The following COL25A1 variants were observed in gnomAD, a reference collection of about 807,000 sequenced individuals.
COL25A1 encodes the protein collagen type XXV alpha 1 chain, also known as collagen alpha-1(XXV) chain.
A neutral mutation model predicts 128.4 loss-of-function variants in COL25A1; 103 were observed. The ratio of observed to expected loss-of-function variants is 0.80; its 90% CI spans 0.68 to 0.94. The LOEUF is 0.94. COL25A1 is among the 40% of genes least tolerant of loss of function. The probability of loss-of-function intolerance (pLI) is 0.00; values close to 1 mark genes in which losing one functional copy is unlikely to be tolerated. For missense variants in COL25A1, 745 were observed against 840.0 expected (o/e 0.89, Z 1.40); for synonymous variants, 279 against 277.2 (o/e 1.01, Z -0.06).
chr4:108,933,728 T>C (rs1222246196), intron 11 of COL25A1, among the ~76,000 whole-genome samples: 1 of 152,036 alleles, frequency 6.6e-6, no homozygotes, highest in Non-Finnish European at 1.5e-5. Flanking sequence ...GTGAGACAGG[T>C]AGAACAGGAA....
At chr4:108,994,180 C>T (rs571489778) in intron 6 of COL25A1, among the ~76,000 whole-genome samples, 12 of 152,308 alleles carry the variant, frequency 7.9e-5, no homozygotes, top group South Asian at 6.2e-4. Context: ...CTCAAGGGGT[C>T]GGGGGATTTC....
chr4:109,103,075 C>A (rs1443094308), intron 3 of COL25A1, among the ~76,000 whole-genome samples: 1 of 152,106 alleles, frequency 6.6e-6, no homozygotes, highest in Non-Finnish European at 1.5e-5. Context: ...AACACAGAAA[C>A]CTTTAATTAA....
chr4:108,874,681 A>C (rs1305944690), intron 19 of COL25A1, among the ~76,000 whole-genome samples: 1 of 152,190 alleles, frequency 6.6e-6, no homozygotes, highest in Non-Finnish European at 1.5e-5. Context: ...ATAAAGTAGG[A>C]CATTTTCTGA....
chr4:108,841,101 A>G (rs1734397025), intron 31 of COL25A1, among the ~76,000 whole-genome samples: 1 of 152,228 alleles, frequency 6.6e-6, no homozygotes, highest in African/African-American at 2.4e-5. Context: ...GACCATCTTC[A>G]TCATGCAAGC....
intron 15 of COL25A1, among the ~76,000 whole-genome samples, chr4:108,897,883 C>T (rs1742331271): frequency 6.6e-6 from 1 of 152,114 alleles, no homozygotes; most frequent in Admixed American, 6.5e-5. Context: ...TTTATGGTGA[C>T]AAATACACTG....
chr4:108,836,747 T>C (rs113967642), intron 31 of COL25A1, among the ~76,000 whole-genome samples: 13 of 152,250 alleles, frequency 8.5e-5, no homozygotes, highest in African/African-American at 3.1e-4. Flanking sequence ...TTATAGAGGT[T>C]TTATGCCTAT....
intron 3 of COL25A1, among the ~76,000 whole-genome samples, chr4:109,284,789 A>C (rs981089988): frequency 2.0e-5 from 3 of 151,948 alleles, no homozygotes; most frequent in Non-Finnish European, 4.4e-5. Flanking sequence ...GTAAGTATTT[A>C]ATAAAAATAT....
chr4:109,108,746 G>T (rs1027054935), intron 3 of COL25A1, among the ~76,000 whole-genome samples: 1 of 149,636 alleles, frequency 6.7e-6, no homozygotes, highest in African/African-American at 2.5e-5. Context: ...AATTAAAATG[G>T]TACTCATTAT....
At chr4:108,987,233 C>T (rs981635686) in intron 6 of COL25A1, among the ~76,000 whole-genome samples, 3 of 152,164 alleles carry the variant, frequency 2.0e-5, no homozygotes, top group Non-Finnish European at 4.4e-5. Flanking sequence ...CTCCTCCAGC[C>T]TGTCTTCAAT....
chr4:108,958,138 G>A (rs1483131592), intron 8 of COL25A1, among the ~76,000 whole-genome samples: 1 of 151,702 alleles, frequency 6.6e-6, no homozygotes, highest in East Asian at 1.9e-4. Context: ...TTATATCAAG[G>A]TGGACACAAA....
chr4:109,164,033 T>C (rs1275569942), intron 3 of COL25A1, among the ~76,000 whole-genome samples: 1 of 152,146 alleles, frequency 6.6e-6, no homozygotes, highest in Non-Finnish European at 1.5e-5. Context: ...CTGAAAATTA[T>C]GAATTACAAG....
At chr4:108,990,341 TA>T (rs1422097762) in intron 6 of COL25A1, among the ~76,000 whole-genome samples, 1 of 145,996 alleles carries the variant, frequency 6.8e-6, no homozygotes, top group African/African-American at 2.5e-5. Flanking sequence ...TCACAAAATT[TA>T]AAAGTAAAAT....
chr4:109,101,444 A>G (rs1765882002), intron 3 of COL25A1, among the ~76,000 whole-genome samples: 1 of 152,214 alleles, frequency 6.6e-6, no homozygotes, highest in African/African-American at 2.4e-5. Flanking sequence ...TGTGGAAGAT[A>G]AAGTTGCAAA....
At chr4:108,837,354 A>G (rs1032068673) in intron 31 of COL25A1, among the ~76,000 whole-genome samples, 9 of 152,188 alleles carry the variant, frequency 5.9e-5, no homozygotes, top group African/African-American at 2.2e-4. Context: ...TTGTATCTGT[A>G]TTCACCAAAT....
At chr4:109,182,738 G>A (rs939166470) in intron 3 of COL25A1, among the ~76,000 whole-genome samples, 3 of 152,006 alleles carry the variant, frequency 2.0e-5, no homozygotes, top group Admixed American at 2.0e-4. Flanking sequence ...CTCACTTTAT[G>A]CGTAAGTGAC....
chr4:109,025,401 T>C (rs1472458600), intron 5 of COL25A1, among the ~76,000 whole-genome samples: 1 of 152,224 alleles, frequency 6.6e-6, no homozygotes, highest in Admixed American at 6.5e-5. Flanking sequence ...CTATGTTGAT[T>C]GTTCCAGATA....
At chr4:108,876,384 CCTT>C in intron 19 of COL25A1, among the ~76,000 whole-genome samples, 1 of 152,008 alleles carries the variant, frequency 6.6e-6, no homozygotes, top group East Asian at 1.9e-4. Context: ...ATGTTCTCCT[CCTT>C]TCCACATTAC....
intron 5 of COL25A1, among the ~76,000 whole-genome samples, chr4:109,038,076 A>T (rs1759526492): frequency 1.3e-5 from 2 of 152,214 alleles, no homozygotes; most frequent in African/African-American, 4.8e-5. Flanking sequence ...AGAATCTGAA[A>T]AAGTAGAACT....
rs1055903313 is a variant in COL25A1 at position 109,057,682 on chromosome 4, A to T, written c.368-7503T>A. Among the ~76,000 whole-genome samples the T allele has an allele frequency of 5.9e-5, 9 of 152,080 alleles. No individual in the cohort carries two copies. In the East Asian group the frequency reaches 1.7e-3, roughly 29 times the overall value. On this transcript the variant is annotated intron_variant, in intron 3 of 37. Coordinates refer to ENST00000399132, the MANE Select transcript of COL25A1 (RefSeq NM_198721.4). ...AACTGTGGTAAATCTAATTCTCAACATTATGTGATCATTAGAGTTATTTTT... is the reference window on the plus strand; with the variant it reads ...AACTGTGGTAAATCTAATTCTCAACTTTATGTGATCATTAGAGTTATTTTT...
Sources: gnomAD v4.1 joint callset for allele counts (sites outside exome capture counted in the v4.1 genomes callset) on GRCh38, gnomAD v4.1.1 for gene constraint, MANE v1.5 for transcripts, NCBI Gene and HGNC (gene_info 2026-07-23, HGNC 2026-07-21) for gene names.